TRA2A: variants seen among roughly 807,000 people sequenced by gnomAD.
The protein encoded by TRA2A is transformer-2 protein homolog alpha.
Under a neutral mutation model 45.7 loss-of-function variants are expected in TRA2A, and 31 were observed. The ratio of observed to expected loss-of-function variants is 0.68; its 90% CI spans 0.51 to 0.92. The LOEUF is 0.92. TRA2A is among the 40% of genes least tolerant of loss of function. The pLI is 0.00. For missense variants in TRA2A, 304 were observed against 367.5 expected, an observed-to-expected ratio of 0.83 and a Z score of 1.41; for synonymous variants, 132 against 126.2, an observed-to-expected ratio of 1.05 and a Z score of -0.31.
At chr7:23,506,313 C>T (rs1377192862) in intron 5 of TRA2A, 47 bp from the exon 6 acceptor site, 1 of 1,498,438 alleles carries the variant, frequency 6.7e-7, no homozygotes, top group South Asian at 1.3e-5. Flanking sequence ...TGACTATTTT[C>T]CAGGACACTT....
chr7:23,516,756 G>T (rs547280836), intron 2 of TRA2A, among the ~76,000 whole-genome samples: 8 of 151,142 alleles, frequency 5.3e-5, no homozygotes, highest in Non-Finnish European at 1.0e-4. Context: ...AAATGTTAAG[G>T]CCCCATCTTC....
chr7:23,527,289 A>G (rs1259536949), intron 1 of TRA2A, among the ~76,000 whole-genome samples: 2 of 152,180 alleles, frequency 1.3e-5, no homozygotes, highest in Admixed American at 6.5e-5. Context: ...AACTATATAT[A>G]TAAGTAACTT....
chr7:23,506,477 C>G, intron 5 of TRA2A: 2 of 486,174 alleles, frequency 4.1e-6, no homozygotes, highest in Non-Finnish European at 7.0e-6. Flanking sequence ...ACAAAACTCT[C>G]AAAACTATTA....
At chr7:23,519,532 G>A (rs888384267) in intron 2 of TRA2A, among the ~76,000 whole-genome samples, 4 of 151,988 alleles carry the variant, frequency 2.6e-5, no homozygotes, top group African/African-American at 9.7e-5. Context: ...CTCCAGCCTG[G>A]GCAAGAGAGC....
At chr7:23,506,341 C>T in intron 5 of TRA2A, 75 bp from the exon 6 acceptor site, 1 of 1,394,172 alleles carries the variant, frequency 7.2e-7, no homozygotes, top group South Asian at 1.8e-5. Flanking sequence ...AATTGAATGG[C>T]TTAAAAAAGA....
chr7:23,524,514 C>T (rs984982968), intron 1 of TRA2A, among the ~76,000 whole-genome samples: 6 of 151,916 alleles, frequency 3.9e-5, no homozygotes, highest in African/African-American at 1.5e-4. Flanking sequence ...AGAAGCTTTG[C>T]TTTTTATTAT....
At chr7:23,506,441 C>T in intron 5 of TRA2A, 175 bp from the exon 6 acceptor site, 2 of 659,214 alleles carry the variant, frequency 3.0e-6, no homozygotes, top group Admixed American at 3.5e-5. Context: ...GCCTTATTCC[C>T]TACATACATA....
chr7:23,528,684 T>C (rs1476970160), intron 1 of TRA2A, among the ~76,000 whole-genome samples: 3 of 151,976 alleles, frequency 2.0e-5, no homozygotes, highest in East Asian at 1.9e-4. Flanking sequence ...TTTTTTTTTT[T>C]CGAGACAGAG....
chr7:23,509,270 AC>A (rs1554345272), intron 4 of TRA2A, among the ~76,000 whole-genome samples: 9 of 151,326 alleles, frequency 5.9e-5, no homozygotes, highest in African/African-American at 9.8e-5. Flanking sequence ...CATCCTAAGC[AC>A]CCCCCAAAAA....
intron 1 of TRA2A, among the ~76,000 whole-genome samples, chr7:23,522,619 A>G (rs967370061): frequency 2.6e-5 from 4 of 151,924 alleles, no homozygotes; most frequent in Admixed American, 6.6e-5. Flanking sequence ...AGTTTCTAAC[A>G]AAGAGAATTT....
At chr7:23,521,630 A>T in intron 2 of TRA2A, 77 bp downstream of exon 2, 2 of 1,532,006 alleles carry the variant, frequency 1.3e-6, no homozygotes, top group Non-Finnish European at 8.9e-7. Flanking sequence ...AAATTTCTAC[A>T]CAAAATGCAG....
At chr7:23,510,453 C>T (rs1789547784) in intron 4 of TRA2A, among the ~76,000 whole-genome samples, 1 of 152,138 alleles carries the variant, frequency 6.6e-6, no homozygotes, top group Non-Finnish European at 1.5e-5. Context: ...CCTCAGCCTC[C>T]CGAGTAGCTT....
intron 1 of TRA2A, 85 bp downstream of exon 1, chr7:23,531,704 C>G (rs1371234122): frequency 6.6e-7 from 1 of 1,522,924 alleles, no homozygotes; most frequent in Non-Finnish European, 9.0e-7. Flanking sequence ...CGGGACTACC[C>G]GCAACCCCGC....
At position 23,521,815 on chromosome 7, in the gene TRA2A, G is replaced by A. The variant is rs2127998767; in HGVS notation, c.62C>T (p.Pro21Leu). ...TTTTACACGAGCAGGAGTTCCCGTT[G>A]GAGATTTTGACTGAGAGCGAGACTC... ...GRESRSQSKS[P>L]TGTPARVKSE... Residue 21 changes from proline to leucine, a missense_variant, in exon 2 of 8, where the codon CCA becomes CTA. Pro to Leu is a moderately conservative substitution (Grantham distance 98). Around this residue, in one of 3 missense-constraint regions of TRA2A, gnomAD observed 132 missense variants for 113.4 expected, o/e 1.16. Coordinates refer to ENST00000297071, the MANE Select transcript of TRA2A (RefSeq NM_013293.5). The A allele has an allele frequency of 1.2e-6, 2 of 1,614,112 alleles. No homozygotes were observed. The highest frequency in any genetic ancestry group is 4.5e-5 in the East Asian group (2 of 44,882).
At chr7:23,530,379 G>A in intron 1 of TRA2A, among the ~76,000 whole-genome samples, 1 of 152,126 alleles carries the variant, frequency 6.6e-6, no homozygotes, top group East Asian at 1.9e-4. Flanking sequence ...TTTCCTCAAA[G>A]AGAACTAAAG....
intron 2 of TRA2A, among the ~76,000 whole-genome samples, chr7:23,517,067 C>T (rs556294239): frequency 4.0e-5 from 6 of 151,718 alleles, no homozygotes; most frequent in Admixed American, 1.3e-4. Context: ...ATTGCGCCAC[C>T]GCACTCCAGC....
intron 2 of TRA2A, among the ~76,000 whole-genome samples, chr7:23,517,421 T>C (rs1206117995): frequency 1.6e-5 from 2 of 125,986 alleles, no homozygotes; most frequent in African/African-American, 6.2e-5. Context: ...GAGCTTGCAG[T>C]GGGCTGAGAT....
rs1174036025 is a variant in TRA2A at position 23,505,669 on chromosome 7, C to T, written c.838+77G>A. 3.2e-6 allele frequency: 3 copies of T among 940,670 alleles called. No individual in the cohort carries two copies. The African/African-American group carries it at 5.1e-5, about 16-fold the overall frequency. The allele number at this position is 940,670 out of a possible 1,614,324, so 58.3% of individuals were successfully genotyped here. A position where few individuals can be genotyped will look rare whatever the true frequency, so the allele number is the denominator to read the frequency against. On this transcript the variant is annotated intron_variant, in intron 7 of 7. Transcript: ENST00000297071. ...CCAACTATTAACTGCCACCTTCCACCTTATACTCTAATATTCTAAAGTAAG... is the reference window on the plus strand; with the variant it reads ...CCAACTATTAACTGCCACCTTCCACTTTATACTCTAATATTCTAAAGTAAG...
intron 4 of TRA2A, among the ~76,000 whole-genome samples, chr7:23,508,919 T>G (rs1048373085): frequency 6.6e-6 from 1 of 152,168 alleles, no homozygotes; most frequent in Admixed American, 6.6e-5. Context: ...GCCTAATTCT[T>G]GAAGATAAGA....
Sources: gnomAD v4.1 joint callset for allele counts (sites outside exome capture counted in the v4.1 genomes callset) on GRCh38, gnomAD v4.1.1 for gene constraint, gnomAD v4.1.1 regional missense constraint, MANE v1.5 for transcripts, NCBI Gene and HGNC (gene_info 2026-07-23, HGNC 2026-07-21) for gene names.